The following THRB variants were observed in gnomAD, a reference collection of about 807,000 sequenced individuals.
THRB encodes the protein thyroid hormone receptor beta.
THRB carries 12 observed loss-of-function variants against 47.8 expected under a neutral mutation model. The observed-to-expected ratio is 0.25, with a 90% confidence interval of 0.16 to 0.41. The LOEUF is 0.41. Among genes scored for constraint, THRB ranks in the 10% least tolerant of loss-of-function variants. THRB has a pLI of 1.00. For missense variants in THRB, 348 were observed against 589.2 expected, an observed-to-expected ratio of 0.59 and a Z score of 4.24; for synonymous variants, 218 against 212.2, an observed-to-expected ratio of 1.03 and a Z score of -0.24.
rs116574756 is a variant in THRB at position 24,427,922 on chromosome 3, C to T, written c.-261+66730G>A. 9.2e-3 allele frequency among the ~76,000 whole-genome samples: 1,392 copies of T among 151,974 alleles called. 13 individuals are homozygous for T. The highest frequency in any genetic ancestry group is 0.014 in the Non-Finnish European group (934 of 67,942). ...GAAGAGACTTAGATTTGAAAATTTC[C>T]ATTAATTCCTTCCTTTGTTTCTTTT... On this transcript the variant is annotated intron_variant, in intron 1 of 10. Coordinates refer to ENST00000646209, the MANE Select transcript of THRB (RefSeq NM_001354712.2).
chr3:24,289,498 A>T (rs2055699762), intron 3 of THRB, among the ~76,000 whole-genome samples: 2 of 152,192 alleles, frequency 1.3e-5, no homozygotes, highest in African/African-American at 2.4e-5. Context: ...CTACTCATCC[A>T]CTTACCCATC....
intron 5 of THRB, among the ~76,000 whole-genome samples, chr3:24,185,075 T>C (rs1025857526): frequency 6.6e-6 from 1 of 152,222 alleles, no homozygotes; most frequent in Non-Finnish European, 1.5e-5. Context: ...ATTTTTTTTG[T>C]CTTTATGAAG....
intron 3 of THRB, among the ~76,000 whole-genome samples, chr3:24,294,341 A>T (rs1261705612): frequency 2.0e-5 from 3 of 152,184 alleles, no homozygotes; most frequent in Non-Finnish European, 4.4e-5. Flanking sequence ...AGACTGAAGA[A>T]TCATGAGAGG....
chr3:24,384,304 G>A (rs1287424011), intron 1 of THRB, among the ~76,000 whole-genome samples: 2 of 152,078 alleles, frequency 1.3e-5, no homozygotes, highest in Non-Finnish European at 2.9e-5. Context: ...TCTCTAAATT[G>A]TTATATAAGG....
chr3:24,148,583 G>A (rs1229545586), intron 6 of THRB, among the ~76,000 whole-genome samples: 1 of 152,206 alleles, frequency 6.6e-6, no homozygotes, highest in Non-Finnish European at 1.5e-5. Context: ...TTTGATGGAT[G>A]TCTTCTGCTA....
chr3:24,423,763 C>A (rs1324735985), intron 1 of THRB, among the ~76,000 whole-genome samples: 1 of 151,684 alleles, frequency 6.6e-6, no homozygotes, highest in Non-Finnish European at 1.5e-5. Flanking sequence ...TTATGGCCAT[C>A]TATTTATTGA....
intron 3 of THRB, among the ~76,000 whole-genome samples, chr3:24,233,560 G>GAAGA (rs769459380): frequency 0.085 from 6,537 of 77,172 alleles, 190 homozygotes; most frequent in Non-Finnish European, 0.11. Flanking sequence ...AAAGAAAAAG[G>GAAGA]AAGAAAGAAA....
intron 1 of THRB, among the ~76,000 whole-genome samples, chr3:24,472,721 C>G (rs1334357361): frequency 6.6e-6 from 1 of 152,156 alleles, no homozygotes; most frequent in African/African-American, 2.4e-5. Flanking sequence ...ATTTGGCAGA[C>G]AGTTGAGTAA....
At chr3:24,242,886 C>T (rs2049693661) in intron 3 of THRB, among the ~76,000 whole-genome samples, 1 of 152,022 alleles carries the variant, frequency 6.6e-6, no homozygotes, top group South Asian at 2.1e-4. Flanking sequence ...AGCACCAGTC[C>T]TGCCACTGCT....
chr3:24,253,795 T>A (rs1378590974), intron 3 of THRB, among the ~76,000 whole-genome samples: 1 of 152,188 alleles, frequency 6.6e-6, no homozygotes, highest in Non-Finnish European at 1.5e-5. Flanking sequence ...GCCAGGTAGA[T>A]GATCAGTTCA....
rs1354551881 is a variant in THRB, at chr3:24,122,592, G to T, written c.*292C>A. On this transcript the variant is annotated 3_prime_UTR_variant, in exon 11 of 11. Coordinates refer to ENST00000646209, the MANE Select transcript of THRB (RefSeq NM_001354712.2). ...GACTCAAGTCTTGGACCAGGGACGG[G>T]TGGGAGCTGGTGATGCTTGGTGCTG... The T allele has an allele frequency of 2.2e-6, 1 of 449,434 alleles. No individual in the cohort carries two copies. The highest frequency in any genetic ancestry group is 4.1e-6 in the Non-Finnish European group (1 of 242,648). The allele number at this position is 449,434 out of a possible 1,614,324, so 27.8% of individuals were successfully genotyped here.
intron 3 of THRB, among the ~76,000 whole-genome samples, chr3:24,283,086 G>A: frequency 6.6e-6 from 1 of 150,976 alleles, no homozygotes; most frequent in African/African-American, 2.4e-5. Flanking sequence ...CATTTTATGA[G>A]GCCAGCATCA....
intron 3 of THRB, among the ~76,000 whole-genome samples, chr3:24,292,127 A>G (rs1343871160): frequency 6.6e-6 from 1 of 152,186 alleles, no homozygotes; most frequent in Non-Finnish European, 1.5e-5. Flanking sequence ...GAAAAAATTT[A>G]ATCTGTGTTA....
At chr3:24,459,935 C>T (rs2073547417) in intron 1 of THRB, among the ~76,000 whole-genome samples, 2 of 152,110 alleles carry the variant, frequency 1.3e-5, no homozygotes, top group South Asian at 2.1e-4. Flanking sequence ...ATATCACGCT[C>T]TTATTAATAT....
intron 3 of THRB, among the ~76,000 whole-genome samples, chr3:24,233,559 GGA>G (rs2048478425): frequency 2.0e-5 from 1 of 50,124 alleles, no homozygotes; most frequent in African/African-American, 8.2e-5. Flanking sequence ...GAAAGAAAAA[GGA>G]AGAAAGAAAG....
rs540153562 is a variant in THRB at position 24,355,699 on chromosome 3, G to T, written c.-260-18328C>A. Among the ~76,000 whole-genome samples, 3 of 152,204 alleles carry T rather than the reference G, an allele frequency of 2.0e-5. No homozygotes were observed. In the East Asian group the frequency reaches 5.8e-4, roughly 29 times the overall value. ...ACCAGAGAGATGCCAGTGAGGTCAC[G>T]CCAAATGGGCAGTGAGGCTCAGTGC... On this transcript the variant is annotated intron_variant, in intron 1 of 10. Transcript: ENST00000646209.
intron 5 of THRB, among the ~76,000 whole-genome samples, chr3:24,179,600 GAA>G (rs1490792444): frequency 6.6e-6 from 1 of 152,162 alleles, no homozygotes; most frequent in African/African-American, 2.4e-5. Context: ...GCTCTTCCAA[GAA>G]AACGTACAAT....
chr3:24,432,371 GA>G (rs1436449333), intron 1 of THRB, among the ~76,000 whole-genome samples: 2 of 152,072 alleles, frequency 1.3e-5, no homozygotes, highest in African/African-American at 4.8e-5. Flanking sequence ...ATTCTTTCTG[GA>G]AATGGGCTAG....
intron 4 of THRB, among the ~76,000 whole-genome samples, chr3:24,225,520 T>C (rs6779690): frequency 0.23 from 35,007 of 152,178 alleles, 4,851 homozygotes; most frequent in African/African-American, 0.38. Flanking sequence ...CTTTATGCCA[T>C]ATCCTAATAT....
Sources: gnomAD v4.1 joint callset for allele counts (sites outside exome capture counted in the v4.1 genomes callset) on GRCh38, gnomAD v4.1.1 for gene constraint, MANE v1.5 for transcripts, NCBI Gene and HGNC (gene_info 2026-07-23, HGNC 2026-07-21) for gene names.